Variants in NBEAL1 observed in about 807,000 individuals in gnomAD.
NBEAL1 encodes neurobeachin like 1, also known as neurobeachin-like protein 1.
A neutral mutation model predicts 351.3 loss-of-function variants in NBEAL1; 273 were observed. The observed-to-expected ratio is 0.78, with a 90% CI of 0.70 to 0.86. The LOEUF is 0.86. Among genes scored for constraint, NBEAL1 ranks in the 40% least tolerant of loss-of-function variants. NBEAL1 has a pLI of 0.00. For synonymous variants in NBEAL1, 1,050 were observed against 1,086.4 expected, an observed-to-expected ratio of 0.97 and a Z score of 0.66; for missense variants, 2,961 against 3,201.3, an observed-to-expected ratio of 0.92 and a Z score of 1.81.
chr2:203,053,699 G>A (rs560941766), intron 4 of NBEAL1, among the ~76,000 whole-genome samples: 146 of 151,680 alleles, frequency 9.6e-4, no homozygotes, highest in Admixed American at 3.7e-3. Context: ...TTAATTTTTT[G>A]TAGAGATGAG....
intron 3 of NBEAL1, among the ~76,000 whole-genome samples, chr2:203,047,163 G>T (rs2061242182): frequency 6.6e-6 from 1 of 151,964 alleles, no homozygotes; most frequent in African/African-American, 2.4e-5. Context: ...CTTGAATGCG[G>T]GAGGCCAAGG....
intron 30 of NBEAL1, 49 bp downstream of exon 30, chr2:203,138,364 A>G: frequency 1.3e-6 from 2 of 1,553,664 alleles, no homozygotes; most frequent in Non-Finnish European, 1.7e-6. Context: ...TAAGAACTTT[A>G]TTCAAAGAAA....
At position 203,097,594 on chromosome 2, in the gene NBEAL1, C is replaced by A. The variant is rs2062210251; in HGVS notation, c.1146C>A (p.Asp382Glu). 9.1e-6 allele frequency: 9 copies of A among 985,692 alleles called. No individual in the cohort carries two copies. The highest frequency in any genetic ancestry group is 1.1e-5 in the Non-Finnish European group (9 of 829,854). 61.1% of individuals were successfully genotyped at this position (985,692 alleles called of 1,614,324 possible). ...AGGTGGCAGACAAGAACGAGAAAGA[C>A]CTTGCCAACAAATTACTGACAGAAA... is the stretch of plus-strand genomic sequence containing the variant. ...NNKVADKNEK[D>E]LANKLLTEMN... The change falls in exon 11 of 56, where the codon GAC becomes GAA. Residue 382 changes from aspartate to glutamate, a missense_variant. Coordinates refer to ENST00000683969, the MANE Select transcript of NBEAL1 (RefSeq NM_001378026.1).
At chr2:203,089,785 A>G (rs1036563809) in intron 10 of NBEAL1, among the ~76,000 whole-genome samples, 3 of 152,196 alleles carry the variant, frequency 2.0e-5, no homozygotes, top group African/African-American at 7.2e-5. Context: ...AAATATTTTC[A>G]CCATTTTTCT....
At chr2:203,176,807 T>TA (rs1173084691) in intron 42 of NBEAL1, among the ~76,000 whole-genome samples, 1 of 152,114 alleles carries the variant, frequency 6.6e-6, no homozygotes, top group Non-Finnish European at 1.5e-5. Flanking sequence ...TGATTTTTTT[T>TA]ACAAAGCTTC....
intron 23 of NBEAL1, among the ~76,000 whole-genome samples, chr2:203,127,321 CAGA>C (rs1005550660): frequency 1.3e-5 from 2 of 152,176 alleles, no homozygotes; most frequent in African/African-American, 2.4e-5. Flanking sequence ...ACTCTTAACT[CAGA>C]AGATTTTCCT....
chr2:203,202,154 GT>G (rs1406639474), intron 50 of NBEAL1, among the ~76,000 whole-genome samples: 2 of 152,020 alleles, frequency 1.3e-5, no homozygotes, highest in Non-Finnish European at 2.9e-5. Context: ...CATTGAGTAG[GT>G]TTTTTTCTAA....
intron 46 of NBEAL1, chr2:203,191,414 A>G: frequency 2.4e-6 from 1 of 418,342 alleles, no homozygotes; most frequent in East Asian, 3.8e-5. Context: ...CTATACTGGT[A>G]TCTGAAATTA....
chr2:203,174,447 A>G (rs1304449166), intron 41 of NBEAL1, among the ~76,000 whole-genome samples: 3 of 152,128 alleles, frequency 2.0e-5, no homozygotes, highest in Non-Finnish European at 4.4e-5. Context: ...AAATATTTGT[A>G]TATTAATTCA....
chr2:203,066,789 C>T (rs1196654990), intron 6 of NBEAL1, among the ~76,000 whole-genome samples: 1 of 142,138 alleles, frequency 7.0e-6, no homozygotes, highest in Non-Finnish European at 1.5e-5. Context: ...GGCGGCCGGG[C>T]AGAGGTGCAC....
At chr2:203,179,292 C>A (rs192983564) in intron 42 of NBEAL1, among the ~76,000 whole-genome samples, 1 of 152,134 alleles carries the variant, frequency 6.6e-6, no homozygotes, top group Non-Finnish European at 1.5e-5. Context: ...AGACGCAGTG[C>A]CCATGATTAA....
rs892691714 is a variant in NBEAL1, at chr2:203,108,164, G to A, written c.1925G>A (p.Gly642Glu). 3 of 1,550,120 alleles carry A rather than the reference G, an allele frequency of 1.9e-6. No homozygotes were observed. Among genetic ancestry groups the A allele is most frequent in the African/African-American group, 1.4e-5 (1 of 72,970 alleles). Residue 642 changes from glycine to glutamate, a missense_variant, in exon 14 of 56, where the codon GGA (glycine) becomes GAA (glutamate). Coordinates refer to ENST00000683969, the MANE Select transcript of NBEAL1 (RefSeq NM_001378026.1). The stretch of plus-strand genomic sequence containing the variant: ...TTGACTCTTGGCATTGCTAACAAAG[G>A]AGGGAAAAGGAAACAATTGTACAGG... ...DQLTLGIANK[G>E]GKRKQLYSFF...
At chr2:203,113,902 A>G (rs1040297084) in intron 17 of NBEAL1, among the ~76,000 whole-genome samples, 3 of 150,098 alleles carry the variant, frequency 2.0e-5, no homozygotes, top group Non-Finnish European at 3.0e-5. Context: ...GCTCACTGCA[A>G]GCTCCGCCTC....
intron 55 of NBEAL1, among the ~76,000 whole-genome samples, chr2:203,214,910 A>G (rs746414535): frequency 4.6e-5 from 7 of 152,258 alleles, no homozygotes; most frequent in Non-Finnish European, 8.8e-5. Flanking sequence ...ATATTATTCT[A>G]TTAGAGTGAA....
At chr2:203,033,657 C>G (rs534542002) in intron 2 of NBEAL1, among the ~76,000 whole-genome samples, 1 of 152,208 alleles carries the variant, frequency 6.6e-6, no homozygotes, top group East Asian at 1.9e-4. Flanking sequence ...GTGTCACAAC[C>G]CCCACCACCC....
At chr2:203,023,607 T>G (rs1574857908) in intron 2 of NBEAL1, among the ~76,000 whole-genome samples, 1 of 150,292 alleles carries the variant, frequency 6.7e-6, no homozygotes, top group African/African-American at 2.4e-5. Context: ...TCTTGTGTGT[T>G]TTTTTTTTTT....
chr2:203,056,337 G>A, intron 4 of NBEAL1, 90 bp from the exon 5 acceptor site: 1 of 723,406 alleles, frequency 1.4e-6, no homozygotes, highest in Non-Finnish European at 2.5e-6. Context: ...TTGTTTGCCA[G>A]CATGTGTTCT....
At chr2:203,205,804 T>C (rs2065536680) in intron 51 of NBEAL1, among the ~76,000 whole-genome samples, 1 of 152,218 alleles carries the variant, frequency 6.6e-6, no homozygotes, top group Non-Finnish European at 1.5e-5. Flanking sequence ...TGGAATTGCT[T>C]CCATAATATA....
At chr2:203,197,495 A>C (rs781571963) in intron 48 of NBEAL1, 104 bp downstream of exon 48, 6 of 704,480 alleles carry the variant, frequency 8.5e-6, no homozygotes, top group Non-Finnish European at 1.2e-5. Flanking sequence ...TTGGCTGTGC[A>C]TGGTGGTTCA....
Sources: allele counts gnomAD v4.1 joint callset (sites outside exome capture counted in the v4.1 genomes callset), GRCh38; gene constraint gnomAD v4.1.1; transcripts MANE v1.5; gene names NCBI Gene and HGNC (gene_info 2026-07-23, HGNC 2026-07-21).